Variants in VEPH1 observed in about 807,000 individuals in gnomAD.
The protein encoded by VEPH1 is ventricular zone-expressed PH domain-containing protein homolog 1.
VEPH1 carries 80 observed loss-of-function variants against 85.2 expected under a neutral mutation model. The ratio of observed to expected loss-of-function variants is 0.94; its 90% CI spans 0.78 to 1.13. VEPH1 has a LOEUF of 1.13. Among genes scored for constraint, VEPH1 ranks in the 50% most tolerant of loss-of-function variants. VEPH1 has a pLI of 0.00. For missense variants in VEPH1, 955 were observed against 980.5 expected (o/e 0.97, Z 0.35); for synonymous variants, 297 against 348.0 (o/e 0.85, Z 1.63).
intron 3 of VEPH1, 122 bp from the exon 4 acceptor site, chr3:157,460,477 C>G: frequency 8.0e-7 from 1 of 1,255,512 alleles, no homozygotes. Context: ...AAAACACAGG[C>G]CTTGCCCTGT....
At chr3:157,315,102 T>G (rs894105200) in intron 10 of VEPH1, among the ~76,000 whole-genome samples, 1 of 152,098 alleles carries the variant, frequency 6.6e-6, no homozygotes, top group Non-Finnish European at 1.5e-5. Flanking sequence ...GATTGGCTTA[T>G]GAAATCATAT....
intron 6 of VEPH1, among the ~76,000 whole-genome samples, chr3:157,400,951 C>A (rs1730749127): frequency 6.6e-6 from 1 of 152,120 alleles, no homozygotes; most frequent in African/African-American, 2.4e-5. Context: ...ACATTTTCTT[C>A]TCCCACCATG....
At chr3:157,338,389 A>G (rs1445357686) in intron 9 of VEPH1, among the ~76,000 whole-genome samples, 2 of 152,314 alleles carry the variant, frequency 1.3e-5, no homozygotes, top group Middle Eastern at 3.4e-3. Flanking sequence ...AATAACTGTA[A>G]TAAGCTAATT....
rs143528863 is a variant in VEPH1 at position 157,282,492 on chromosome 3, G to T, written c.2128+4065C>A. On this transcript the variant is annotated intron_variant, in intron 12 of 13. Coordinates refer to ENST00000362010, the MANE Select transcript of VEPH1 (RefSeq NM_001167912.2). Reference sequence around the variant, plus strand: ...GAACCCAAGAAGACCTTCTACTGATGATCACATTCAAATTTTAAATGTCTA... The same window carrying T: ...GAACCCAAGAAGACCTTCTACTGATTATCACATTCAAATTTTAAATGTCTA... Among the ~76,000 whole-genome samples the T allele has an allele frequency of 6.2e-3, 951 of 152,326 alleles. 21 individuals carry two copies. Among genetic ancestry groups the T allele is most frequent in the African/African-American group, 0.022 (917 of 41,570 alleles).
intron 2 of VEPH1, chr3:157,489,240 C>T: frequency 4.4e-6 from 2 of 455,240 alleles, no homozygotes; most frequent in South Asian, 3.1e-5. Context: ...AAGACTCCAA[C>T]AATCCAGCCT....
intron 4 of VEPH1, among the ~76,000 whole-genome samples, chr3:157,455,328 C>T (rs1735282508): frequency 6.6e-6 from 1 of 152,056 alleles, no homozygotes; most frequent in East Asian, 1.9e-4. Flanking sequence ...TTTTGATTTG[C>T]ATTTCTCTGA....
intron 11 of VEPH1, among the ~76,000 whole-genome samples, chr3:157,297,086 T>C (rs947878584): frequency 5.9e-5 from 9 of 152,078 alleles, no homozygotes; most frequent in African/African-American, 2.2e-4. Flanking sequence ...CTGGGCAACA[T>C]AGTGAGACCC....
rs114415836 is a variant in VEPH1, at chr3:157,316,399, G to T, written c.1875+663C>A. ...TGTGTGACAATAAAAAGATCACTGG[G>T]TCAGGGGTCAGACGATCTGAGTTCT... On this transcript the variant is annotated intron_variant, in intron 10 of 13. Coordinates refer to ENST00000362010, the MANE Select transcript of VEPH1 (RefSeq NM_001167912.2). Among the ~76,000 whole-genome samples the T allele has an allele frequency of 5.5e-3, 839 of 151,204 alleles. 3 individuals carry two copies. The highest frequency in any genetic ancestry group is 0.019 in the African/African-American group (803 of 41,250).
intron 5 of VEPH1, among the ~76,000 whole-genome samples, chr3:157,427,014 G>A (rs1203420860): frequency 6.7e-6 from 1 of 150,288 alleles, no homozygotes; most frequent in African/African-American, 2.5e-5. Flanking sequence ...TTGAGATAGA[G>A]TCTTGCTCTG....
intron 12 of VEPH1, among the ~76,000 whole-genome samples, chr3:157,282,981 A>ATCAGCAGT (rs764807659): frequency 1.1e-4 from 17 of 152,348 alleles, no homozygotes; most frequent in Non-Finnish European, 2.1e-4. Context: ...CAGAAAATGA[A>ATCAGCAGT]TCAGCAGTTG....
At chr3:157,381,529 G>C (rs1360740417) in intron 6 of VEPH1, 153 bp from the exon 7 acceptor site, 1 of 690,246 alleles carries the variant, frequency 1.4e-6, no homozygotes, top group Non-Finnish European at 2.4e-6. Context: ...ACCAGCCTGG[G>C]CAACATGGTA....
At chr3:157,398,386 A>G (rs1730572234) in intron 6 of VEPH1, among the ~76,000 whole-genome samples, 1 of 152,218 alleles carries the variant, frequency 6.6e-6, no homozygotes, top group Non-Finnish European at 1.5e-5. Context: ...CTGTAATCCC[A>G]GCACTTTGGG....
At chr3:157,421,837 TC>T (rs1163309349) in intron 5 of VEPH1, among the ~76,000 whole-genome samples, 2 of 151,934 alleles carry the variant, frequency 1.3e-5, no homozygotes, top group African/African-American at 2.4e-5. Flanking sequence ...TACAACTTCT[TC>T]CCCCCAGGTA....
At chr3:157,351,120 G>C (rs1171567027) in intron 9 of VEPH1, among the ~76,000 whole-genome samples, 2 of 152,004 alleles carry the variant, frequency 1.3e-5, no homozygotes, top group Non-Finnish European at 2.9e-5. Context: ...ATCAACCCGG[G>C]TCCCCCAAAA....
intron 12 of VEPH1, 76 bp downstream of exon 12, chr3:157,286,481 C>T (rs141164496): frequency 8.6e-7 from 1 of 1,161,882 alleles, no homozygotes; most frequent in Non-Finnish European, 1.3e-6. Flanking sequence ...AGGAAGGCCA[C>T]CTAGAAAAAT....
At chr3:157,496,117 A>C (rs1005389356) in intron 1 of VEPH1, among the ~76,000 whole-genome samples, 1 of 152,224 alleles carries the variant, frequency 6.6e-6, no homozygotes, top group African/African-American at 2.4e-5. Context: ...GCGTTAGATA[A>C]ATCTCTACTG....
intron 9 of VEPH1, 131 bp from the exon 10 acceptor site, chr3:157,317,332 C>G: frequency 1.4e-6 from 1 of 707,428 alleles, no homozygotes; most frequent in Non-Finnish European, 2.1e-6. Flanking sequence ...TAACTACAAA[C>G]AACTATATAT....
chr3:157,410,071 T>G (rs1314222563), intron 6 of VEPH1, among the ~76,000 whole-genome samples: 1 of 152,168 alleles, frequency 6.6e-6, no homozygotes, highest in Non-Finnish European at 1.5e-5. Context: ...CAAAATCTTT[T>G]AAATCCTGGA....
At chr3:157,452,063 G>T (rs1402389119) in intron 4 of VEPH1, among the ~76,000 whole-genome samples, 1 of 152,128 alleles carries the variant, frequency 6.6e-6, no homozygotes, top group East Asian at 1.9e-4. Flanking sequence ...AGAAATCAAA[G>T]ATGTGATTGT....
Sources: gnomAD v4.1 joint callset for allele counts (sites outside exome capture counted in the v4.1 genomes callset) on GRCh38, gnomAD v4.1.1 for gene constraint, MANE v1.5 for transcripts, NCBI Gene and HGNC (gene_info 2026-07-23, HGNC 2026-07-21) for gene names.